Variants in FRMD6 observed in about 807,000 individuals in gnomAD.
FRMD6 encodes FERM domain containing 6.
A neutral mutation model predicts 73.2 loss-of-function variants in FRMD6; 37 were observed. That is an observed-to-expected ratio of 0.51 (90% CI 0.39 to 0.66). The LOEUF (loss-of-function observed/expected upper bound fraction) is 0.66. Among genes scored for constraint, FRMD6 ranks in the 30% least tolerant of loss-of-function variants. FRMD6 has a pLI of 0.00. For missense variants in FRMD6, 714 were observed against 780.5 expected (o/e 0.91, Z 1.02); for synonymous variants, 273 against 282.2 (o/e 0.97, Z 0.33).
In FRMD6 at chr14:51,558,350, C is replaced by T. The variant is rs190076178; in HGVS notation, c.-209-11998C>T. The stretch of plus-strand genomic sequence containing the variant: ...AGGCATGGTGGTGCAAGCCTGTAAT[C>T]CTAGCTACTCAGGAGGCTGAGGCAG... On this transcript the variant is annotated intron_variant, in intron 1 of 14. Transcript: ENST00000356218. Among the ~76,000 whole-genome samples, 902 of 152,036 alleles carry T rather than the reference C, an allele frequency of 5.9e-3. 6 individuals carry two copies. Among genetic ancestry groups the T allele is most frequent in the Non-Finnish European group, 9.7e-3 (658 of 67,986 alleles).
chr14:51,627,140 A>G (rs914216539), intron 2 of FRMD6, among the ~76,000 whole-genome samples: 6 of 152,238 alleles, frequency 3.9e-5, no homozygotes, highest in African/African-American at 1.2e-4. Flanking sequence ...TGCATGAGAT[A>G]GTGAATTCTC....
chr14:51,452,802 G>A, the FRMD6 span, among the ~76,000 whole-genome samples: 1 of 152,158 alleles, frequency 6.6e-6, no homozygotes, highest in Non-Finnish European at 1.5e-5. Context: ...CTGAAGACAG[G>A]GTGTTAGAAG....
chr14:51,639,081 G>T (rs1412926794), intron 2 of FRMD6, among the ~76,000 whole-genome samples: 6 of 151,788 alleles, frequency 4.0e-5, no homozygotes, highest in Non-Finnish European at 7.4e-5. Flanking sequence ...TTAAAACTAG[G>T]TGTTCCCATT....
chr14:51,690,328 T>G (rs1895462403), intron 2 of FRMD6, among the ~76,000 whole-genome samples: 1 of 152,184 alleles, frequency 6.6e-6, no homozygotes, highest in Non-Finnish European at 1.5e-5. Flanking sequence ...CTTTCGCCAT[T>G]GAAAGTAGTA....
At chr14:51,423,087 A>G in the FRMD6 span, among the ~76,000 whole-genome samples, 3 of 152,070 alleles carry the variant, frequency 2.0e-5, no homozygotes, top group African/African-American at 7.2e-5. Flanking sequence ...CCTGCTTTGG[A>G]CTGTAGTGTG....
chr14:51,443,201 T>C, the FRMD6 span, among the ~76,000 whole-genome samples: 96 of 152,360 alleles, frequency 6.3e-4, no homozygotes, highest in African/African-American at 2.1e-3. Context: ...ATCTAATGTA[T>C]CAAAGACATT....
intron 1 of FRMD6, among the ~76,000 whole-genome samples, chr14:51,566,676 G>C (rs865987801): frequency 6.6e-6 from 1 of 152,116 alleles, no homozygotes; most frequent in South Asian, 2.1e-4. Context: ...AATGTATCCG[G>C]TTGGTGCGAA....
intron 10 of FRMD6, among the ~76,000 whole-genome samples, chr14:51,715,912 C>A (rs1213564921): frequency 2.0e-5 from 3 of 152,168 alleles, no homozygotes. Flanking sequence ...GAATTCTTTC[C>A]AATGTGATTA....
upstream of FRMD6, among the ~76,000 whole-genome samples, chr14:51,485,579 C>T (rs1400730671): frequency 6.6e-6 from 1 of 152,134 alleles, no homozygotes; most frequent in African/African-American, 2.4e-5. Flanking sequence ...TACCTGTGAC[C>T]ATCTCTTCAT....
rs1036035024 is a variant in FRMD6 at position 51,729,967 on chromosome 14, T to C, written c.*1938T>C. Reference sequence around the variant, plus strand: ...GTCTCTGCATAAGAGGATTAAAGTATGAAAGGATCATTTAATGACTGTTTT... The same window carrying C: ...GTCTCTGCATAAGAGGATTAAAGTACGAAAGGATCATTTAATGACTGTTTT... On this transcript the variant is annotated 3_prime_UTR_variant, in exon 14 of 14. Transcript: ENST00000344768. 3 of 152,668 alleles carry C rather than the reference T, an allele frequency of 2.0e-5. No individual in the cohort carries two copies. The highest frequency in any genetic ancestry group is 4.4e-5 in the Non-Finnish European group (3 of 68,042). 9.5% of individuals were successfully genotyped at this position (152,668 alleles called of 1,614,324 possible).
chr14:51,621,498 A>G lies in FRMD6; in HGVS notation c.-147+51088A>G, dbSNP rs533108339. 3.9e-5 allele frequency among the ~76,000 whole-genome samples: 6 copies of G among 152,288 alleles called. No individual in the cohort carries two copies. In the East Asian group the frequency reaches 1.2e-3, roughly 29 times the overall value. ...GACAGGTAGCCAGAAGATCTTTTTA[A>G]CTAGGCCTGAATGTCCTGCTGTTCC... On this transcript the variant is annotated intron_variant, in intron 2 of 14. Coordinates refer to the FRMD6 transcript ENST00000356218.
At chr14:51,707,206 G>C (rs1486770343) in intron 6 of FRMD6, among the ~76,000 whole-genome samples, 1 of 152,110 alleles carries the variant, frequency 6.6e-6, no homozygotes, top group Non-Finnish European at 1.5e-5. Context: ...GTTCTTAGCA[G>C]AACTTGACAA....
chr14:51,459,904 T>TTTTTTTTTTTTTTTTC, the FRMD6 span, among the ~76,000 whole-genome samples: 1 of 146,022 alleles, frequency 6.8e-6, no homozygotes, highest in Non-Finnish European at 1.5e-5. Flanking sequence ...TTTTTTTTTT[T>TTTTTTTTTTTTTTTTC]ACAAACTTCG....
At chr14:51,660,061 G>A (rs905219025) in intron 1 of FRMD6, among the ~76,000 whole-genome samples, 1 of 152,170 alleles carries the variant, frequency 6.6e-6, no homozygotes, top group Non-Finnish European at 1.5e-5. Context: ...TTAAAGGGCG[G>A]GGGACCTAGT....
At chr14:51,426,153 A>AAGTTGT in the FRMD6 span, among the ~76,000 whole-genome samples, 1 of 152,026 alleles carries the variant, frequency 6.6e-6, no homozygotes, top group East Asian at 1.9e-4. Flanking sequence ...CTCTGTCACC[A>AAGTTGT]TTACTGCTTG....
At chr14:51,685,198 AGGAAAACTCTTGCCT>A (rs1395198781) in intron 1 of FRMD6, among the ~76,000 whole-genome samples, 2 of 152,194 alleles carry the variant, frequency 1.3e-5, no homozygotes, top group African/African-American at 2.4e-5. Flanking sequence ...AGTCTTGGCA[AGGAAAACTCTTGCCT>A]GGGATAGATG....
At chr14:51,511,625 A>C (rs1254128548) in intron 1 of FRMD6, among the ~76,000 whole-genome samples, 3 of 152,210 alleles carry the variant, frequency 2.0e-5, no homozygotes, top group Non-Finnish European at 1.5e-5. Flanking sequence ...TAAGAACACA[A>C]GAACAGAAAA....
chr14:51,472,405 G>A, the FRMD6 span, among the ~76,000 whole-genome samples: 4 of 152,124 alleles, frequency 2.6e-5, no homozygotes, highest in African/African-American at 9.7e-5. Context: ...CCAGGTTCAC[G>A]CCATTCTCCT....
intron 1 of FRMD6, among the ~76,000 whole-genome samples, chr14:51,511,952 T>C (rs983955232): frequency 1.4e-4 from 22 of 152,072 alleles, no homozygotes; most frequent in Non-Finnish European, 2.8e-4. Flanking sequence ...AATATAATAG[T>C]TATAATAATT....
Sources: gnomAD v4.1 joint callset for allele counts (sites outside exome capture counted in the v4.1 genomes callset) on GRCh38, gnomAD v4.1.1 for gene constraint, MANE v1.5 for transcripts, NCBI Gene and HGNC (gene_info 2026-07-23, HGNC 2026-07-21) for gene names.